The following MAP3K4 variants were observed in gnomAD, a reference collection of about 807,000 sequenced individuals.
The protein encoded by MAP3K4 is MAP three kinase 1.
A neutral mutation model predicts 185.6 loss-of-function variants in MAP3K4; 67 were observed. That is an observed-to-expected ratio of 0.36 (90% CI 0.30 to 0.44). MAP3K4 has a LOEUF of 0.44. Among genes scored for constraint, MAP3K4 ranks in the 20% least tolerant of loss-of-function variants. MAP3K4 has a pLI of 1.00. For synonymous variants in MAP3K4, 702 were observed against 710.4 expected (o/e 0.99, Z 0.19); for missense variants, 1,551 against 1,995.1 (o/e 0.78, Z 4.24).
rs1780725418 is a variant in MAP3K4 at position 160,992,001 on chromosome 6, G to C, written c.70G>C (p.Glu24Gln). The stretch of plus-strand genomic sequence containing the variant: ...CGTCACGCCTGCCGCCGCCATGGAG[G>C]AGCCGCCGCCACCGCCGCCGCCGCC... Reference protein sequence around the residue: ...FAVTPAAAMEEPPPPPPPPPP... With the variant: ...FAVTPAAAMEQPPPPPPPPPP... Residue 24 changes from glutamate to glutamine, a missense_variant, in exon 1 of 27, where the codon GAG becomes CAG. Glu to Gln is a conservative substitution (Grantham distance 29). Coordinates refer to ENST00000392142, the MANE Select transcript of MAP3K4 (RefSeq NM_005922.4). 6.5e-6 allele frequency: 10 copies of C among 1,544,354 alleles called. No individual in the cohort carries two copies. Among genetic ancestry groups the C allele is most frequent in the Non-Finnish European group, 7.8e-6 (9 of 1,151,998 alleles).
intron 2 of MAP3K4, among the ~76,000 whole-genome samples, chr6:161,047,911 T>G (rs1783811393): frequency 6.6e-6 from 1 of 152,212 alleles, no homozygotes; most frequent in South Asian, 2.1e-4. Flanking sequence ...TAATTGTAAA[T>G]GATTTTACAT....
rs941070325 is a variant in MAP3K4, at chr6:161,101,573, G to C, written c.3675-319G>C. On this transcript the variant is annotated intron_variant, in intron 17 of 26. Transcript: ENST00000392142. This position sits in a 1 kb window ranked among gnomAD's most constrained non-coding sequence, Gnocchi z 5.1. ...TATGCAGGCAGGTGCTCTCAGGCTC[G>C]GGTGTTGGCTATGGAGAGATGAAAA... is the stretch of plus-strand genomic sequence containing the variant. 1 of 189,278 alleles carries C rather than the reference G, an allele frequency of 5.3e-6. No individual in the cohort carries two copies. Among genetic ancestry groups the C allele is most frequent in the Non-Finnish European group, 1.1e-5 (1 of 93,052 alleles). 11.7% of individuals were successfully genotyped at this position (189,278 alleles called of 1,614,324 possible).
At chr6:161,036,264 C>T (rs564249422) in intron 2 of MAP3K4, among the ~76,000 whole-genome samples, 155 of 152,240 alleles carry the variant, frequency 1.0e-3, no homozygotes, top group African/African-American at 3.6e-3. Flanking sequence ...AAGTTCTTGC[C>T]GTTTTTCAGA....
intron 1 of MAP3K4, among the ~76,000 whole-genome samples, chr6:161,020,801 T>C (rs9458097): frequency 0.03 from 4,629 of 152,262 alleles, 173 homozygotes; most frequent in African/African-American, 0.084. Flanking sequence ...TTTAAAATAT[T>C]CCCTATGTTT....
chr6:160,996,743 G>A lies in MAP3K4; in HGVS notation c.152+4660G>A, dbSNP rs934919716. ...AAGGCCCAGACACTCACTGTGCTTG[G>A]CTTCTCAGGCACAGATACTCAGCTT... On this transcript the variant is annotated intron_variant, in intron 1 of 26. Coordinates refer to ENST00000392142, the MANE Select transcript of MAP3K4 (RefSeq NM_005922.4). The surrounding 1 kb of genome is among the most constrained non-coding windows in gnomAD (Gnocchi z 4.5). 2.0e-5 allele frequency among the ~76,000 whole-genome samples: 3 copies of A among 152,174 alleles called. No homozygotes were observed. Among genetic ancestry groups the A allele is most frequent in the Admixed American group, 2.0e-4 (3 of 15,278 alleles).
At chr6:161,105,148 G>T (rs1299497265) in intron 19 of MAP3K4, among the ~76,000 whole-genome samples, 1 of 152,154 alleles carries the variant, frequency 6.6e-6, no homozygotes, top group African/African-American at 2.4e-5. Context: ...AAAAGAACAG[G>T]ATGAAATCAG....
chr6:161,070,931 T>C lies in MAP3K4; in HGVS notation c.1950+81T>C. ...TTATCATTTTTATTTTGAGAGTTCCTTTTTTTTTCTTAATTGTCGCAAATA... is the reference window on the plus strand; with the variant it reads ...TTATCATTTTTATTTTGAGAGTTCCCTTTTTTTTCTTAATTGTCGCAAATA... On this transcript the variant is annotated intron_variant, in intron 4 of 26. Coordinates refer to ENST00000392142, the MANE Select transcript of MAP3K4 (RefSeq NM_005922.4). The surrounding 1 kb of genome is among the most constrained non-coding windows in gnomAD (Gnocchi z 4.5). 8.1e-7 allele frequency: 1 copy of C among 1,232,006 alleles called. No individual in the cohort carries two copies. Among genetic ancestry groups the C allele is most frequent in the Non-Finnish European group, 1.1e-6 (1 of 920,206 alleles). 76.3% of individuals were successfully genotyped at this position (1,232,006 alleles called of 1,614,324 possible).
rs1385893561 is a variant in MAP3K4 at position 161,108,569 on chromosome 6, T to G, written c.4120-174T>G. Among the ~76,000 whole-genome samples, 1 of 152,220 alleles carries G rather than the reference T, an allele frequency of 6.6e-6. No homozygotes were observed. Among genetic ancestry groups the G allele is most frequent in the Admixed American group, 6.5e-5 (1 of 15,288 alleles). ...TGCCCGGGACCTACCCGCACTTCTATGACTTCACTCTAGCTTGGCTAAAAA... is the reference window on the plus strand; with the variant it reads ...TGCCCGGGACCTACCCGCACTTCTAGGACTTCACTCTAGCTTGGCTAAAAA... On this transcript the variant is annotated intron_variant, in intron 21 of 26. Coordinates refer to ENST00000392142, the MANE Select transcript of MAP3K4 (RefSeq NM_005922.4). The surrounding 1 kb of genome is among the most constrained non-coding windows in gnomAD (Gnocchi z 5.7).
rs1777785056 is a variant in MAP3K4 at position 161,100,337 on chromosome 6, G to A, written c.3675-1555G>A. 6.6e-6 allele frequency among the ~76,000 whole-genome samples: 1 copy of A among 152,212 alleles called. No homozygotes were observed. The highest frequency in any genetic ancestry group is 1.5e-5 in the Non-Finnish European group (1 of 68,036). ...TGCATCCCTGCCACAGCCATGGGGT[G>A]TAGCCCTTGCCCGTCTTACAGATAC... On this transcript the variant is annotated intron_variant, in intron 17 of 26. Coordinates refer to ENST00000392142, the MANE Select transcript of MAP3K4 (RefSeq NM_005922.4). This position sits in a 1 kb window ranked among gnomAD's most constrained non-coding sequence, Gnocchi z 5.8.
At position 161,063,450 on chromosome 6, in the gene MAP3K4, AC is replaced by A. The variant is rs1490009156; in HGVS notation, c.1708-7157del. ...TTAAACATGATACTTGTTTCCATGA[AC>A]TTAAAGGAGAGAGGGAGTTAGGAAA... On this transcript the variant is annotated intron_variant, in intron 3 of 26. Coordinates refer to ENST00000392142, the MANE Select transcript of MAP3K4 (RefSeq NM_005922.4). This position sits in a 1 kb window ranked among gnomAD's most constrained non-coding sequence, Gnocchi z 5.4. Among the ~76,000 whole-genome samples the A allele has an allele frequency of 6.6e-6, 1 of 152,114 alleles. No individual in the cohort carries two copies. Among genetic ancestry groups the A allele is most frequent in the Non-Finnish European group, 1.5e-5 (1 of 68,022 alleles).
chr6:161,052,048 T>A (rs1386513997), intron 3 of MAP3K4, among the ~76,000 whole-genome samples: 5 of 152,136 alleles, frequency 3.3e-5, no homozygotes, highest in African/African-American at 1.2e-4. Flanking sequence ...GAGGGCCGAC[T>A]GTATAACCTC....
rs1375012539 is a variant in MAP3K4, at chr6:161,096,871, TTAA to T, written c.3428-206_3428-204del. On this transcript the variant is annotated intron_variant, in intron 15 of 26. Transcript: ENST00000392142. The surrounding 1 kb of genome is among the most constrained non-coding windows in gnomAD (Gnocchi z 4.9). Reference sequence around the variant, plus strand: ...AAATGTTTTTTGATGGAGAAAACTGTTAATATATAATAGGGCTTTACTGACTTT... The same window carrying T: ...AAATGTTTTTTGATGGAGAAAACTGTTATATAATAGGGCTTTACTGACTTT... 1 of 465,878 alleles carries T rather than the reference TTAA, an allele frequency of 2.1e-6. No individual in the cohort carries two copies. The highest frequency in any genetic ancestry group is 3.1e-5 in the East Asian group (1 of 32,030). 28.9% of individuals were successfully genotyped at this position (465,878 alleles called of 1,614,324 possible).
At position 161,100,387 on chromosome 6, in the gene MAP3K4, C is replaced by A. The variant is rs1358462282; in HGVS notation, c.3675-1505C>A. Among the ~76,000 whole-genome samples the A allele has an allele frequency of 2.0e-5, 3 of 152,224 alleles. No homozygotes were observed. Among genetic ancestry groups the A allele is most frequent in the Non-Finnish European group, 4.4e-5 (3 of 68,046 alleles). On this transcript the variant is annotated intron_variant, in intron 17 of 26. Transcript: ENST00000392142. This position sits in a 1 kb window ranked among gnomAD's most constrained non-coding sequence, Gnocchi z 5.8. Reference sequence around the variant, plus strand: ...CATCAAAGTTCAACTTCACTTGACCCTAGAGGTTTCAATAAGTATTTTTAA... The same window carrying A: ...CATCAAAGTTCAACTTCACTTGACCATAGAGGTTTCAATAAGTATTTTTAA...
At chr6:161,102,941 T>C (rs1248510476) in intron 19 of MAP3K4, among the ~76,000 whole-genome samples, 162 bp downstream of exon 19, 1 of 152,204 alleles carries the variant, frequency 6.6e-6, no homozygotes, top group Non-Finnish European at 1.5e-5. Flanking sequence ...TTCTATCATG[T>C]ACTGTGTTTG....
chr6:161,092,237 C>T (rs1777350562), intron 13 of MAP3K4, 94 bp downstream of exon 13: 3 of 1,384,944 alleles, frequency 2.2e-6, no homozygotes, highest in African/African-American at 2.9e-5. Flanking sequence ...GAGCAGACGA[C>T]ACAGAAGGGA....
At chr6:161,026,295 TA>T (rs1562489315) in intron 1 of MAP3K4, among the ~76,000 whole-genome samples, 1 of 86,046 alleles carries the variant, frequency 1.2e-5, no homozygotes, top group African/African-American at 3.6e-5. Context: ...CACGCGCAGC[TA>T]ATTTTTTTTT....
chr6:161,089,174 A>G, intron 10 of MAP3K4, 148 bp from the exon 11 acceptor site: 1 of 821,796 alleles, frequency 1.2e-6, no homozygotes. Flanking sequence ...GCTGTGTAGG[A>G]GAAGCTTTGC....
In MAP3K4 at chr6:161,071,511, T is replaced by G. The variant is rs1562520587; in HGVS notation, c.1950+661T>G. On this transcript the variant is annotated intron_variant, in intron 4 of 26. Transcript: ENST00000392142. This position sits in a 1 kb window ranked among gnomAD's most constrained non-coding sequence, Gnocchi z 4.6. ...TGGTATGTTTTTTGTAGACTGTACG[T>G]GTCTATCCCATAGGGATTGGAGGGC... Among the ~76,000 whole-genome samples the G allele has an allele frequency of 6.6e-6, 1 of 152,184 alleles. No homozygotes were observed. The highest frequency in any genetic ancestry group is 1.5e-5 in the Non-Finnish European group (1 of 68,036).
In MAP3K4 at chr6:161,051,686, CAA is replaced by C. The variant is rs1285178952; in HGVS notation, c.1707+1709_1707+1710del. ...TTGTTCCAGGACCCCCATGGACACT[CAA>C]ATCCTTGGATGCTCCAGTCCCTCAT... On this transcript the variant is annotated intron_variant, in intron 3 of 26. Transcript: ENST00000392142. This position sits in a 1 kb window ranked among gnomAD's most constrained non-coding sequence, Gnocchi z 4.2. Among the ~76,000 whole-genome samples the C allele has an allele frequency of 6.6e-6, 1 of 152,204 alleles. No homozygotes were observed. Among genetic ancestry groups the C allele is most frequent in the Non-Finnish European group, 1.5e-5 (1 of 68,028 alleles).
Sources: gnomAD v4.1 joint callset for allele counts (sites outside exome capture counted in the v4.1 genomes callset) on GRCh38, gnomAD v4.1.1 for gene constraint, Gnocchi (gnomAD v3.1) non-coding constraint, MANE v1.5 for transcripts, NCBI Gene and HGNC (gene_info 2026-07-23, HGNC 2026-07-21) for gene names.